Variants in ALKBH1 observed in about 807,000 individuals in gnomAD.
The protein encoded by ALKBH1 is alkB homolog 1, histone H2A dioxygenase.
Under a neutral mutation model 36.6 loss-of-function variants are expected in ALKBH1, and 31 were observed. That is an observed-to-expected ratio of 0.85 (90% CI 0.64 to 1.14). ALKBH1 has a LOEUF of 1.14. Ranked by LOEUF, ALKBH1 falls within the 50% of genes most tolerant of loss-of-function variation. ALKBH1 has a pLI of 0.00. For missense variants in ALKBH1, 490 were observed against 497.3 expected (o/e 0.99, Z 0.14); for synonymous variants, 183 against 186.6 (o/e 0.98, Z 0.16).
intron 3 of ALKBH1, among the ~76,000 whole-genome samples, chr14:77,687,398 A>ATATT (rs2080273682): frequency 1.3e-5 from 2 of 152,196 alleles, no homozygotes; most frequent in Non-Finnish European, 2.9e-5. Context: ...CTTGGCCTTC[A>ATATT]AACATGTTTA....
intron 1 of ALKBH1, among the ~76,000 whole-genome samples, chr14:77,707,117 T>C (rs1036201406): frequency 6.6e-6 from 1 of 152,212 alleles, no homozygotes; most frequent in Non-Finnish European, 1.5e-5. Flanking sequence ...GGCTAATTTT[T>C]TGTATTTTTG....
intron 2 of ALKBH1, among the ~76,000 whole-genome samples, chr14:77,702,101 C>A (rs1203177012): frequency 1.3e-5 from 2 of 152,162 alleles, no homozygotes; most frequent in Non-Finnish European, 2.9e-5. Context: ...GAGTTCAAGA[C>A]CAGCCTGACC....
Position 77,674,114 on chromosome 14 carries a change from G to GGACT in ALKBH1, c.864_867dup (p.Pro290SerfsTer52). ...CCTTCTGGATTTGGAAGGACACGAG[G>GGACT]GACTGCGTGGTTCAAGAGGCGGCTG... On this transcript the variant is annotated frameshift_variant, in exon 6 of 6. Transcript: ENST00000216489. LOFTEE classifies it high-confidence loss of function. The GGACT allele has an allele frequency of 6.2e-7, 1 of 1,614,102 alleles. No individual in the cohort carries two copies. Among genetic ancestry groups the GGACT allele is most frequent in the Non-Finnish European group, 8.5e-7 (1 of 1,180,038 alleles).
At chr14:77,683,016 A>C (rs2080246735) in intron 3 of ALKBH1, among the ~76,000 whole-genome samples, 1 of 152,100 alleles carries the variant, frequency 6.6e-6, no homozygotes, top group Non-Finnish European at 1.5e-5. Flanking sequence ...TGTTTAATTA[A>C]AACAAAAAAG....
At chr14:77,707,336 C>A (rs2080399832) in intron 1 of ALKBH1, among the ~76,000 whole-genome samples, 1 of 152,176 alleles carries the variant, frequency 6.6e-6, no homozygotes, top group Non-Finnish European at 1.5e-5. Flanking sequence ...ATTTTCAACA[C>A]GGAGGGATTC....
chr14:77,700,783 T>C (rs2080355149), intron 2 of ALKBH1, among the ~76,000 whole-genome samples: 1 of 152,150 alleles, frequency 6.6e-6, no homozygotes. Context: ...GTCTTCTTTT[T>C]AGTGGGTTAA....
chr14:77,698,632 A>C (rs1274313036), intron 2 of ALKBH1, among the ~76,000 whole-genome samples: 1 of 152,266 alleles, frequency 6.6e-6, no homozygotes, highest in Non-Finnish European at 1.5e-5. Flanking sequence ...TCTGAATTAA[A>C]TGCTGGCAAT....
intron 3 of ALKBH1, 91 bp from the exon 4 acceptor site, chr14:77,680,061 C>T (rs2080228543): frequency 1.0e-6 from 1 of 978,920 alleles, no homozygotes; most frequent in Admixed American, 1.8e-5. Flanking sequence ...TTTAGTATTA[C>T]ATGGTATAAG....
In ALKBH1 at chr14:77,694,817, G is replaced by A. The variant is rs748695569; in HGVS notation, c.376C>T (p.Pro126Ser). ...KQCLKLYSQK[P>S]NVCNLDKHMS... ...TGTTTGTCCAGGTTACATACATTAG[G>A]TTTCTGGGAATATAACTTAAGGCAC... Residue 126 changes from proline (P) to serine (S), a missense_variant, in exon 3 of 6, where the codon CCT becomes TCT. Physicochemically the swap from Pro to Ser is moderately conservative, Grantham distance 74 (BLOSUM62 -1). Coordinates refer to ENST00000216489, the MANE Select transcript of ALKBH1 (RefSeq NM_006020.3). 1.2e-6 allele frequency: 2 copies of A among 1,607,050 alleles called. No individual in the cohort carries two copies. The highest frequency in any genetic ancestry group is 2.7e-5 in the African/African-American group (2 of 74,864).
chr14:77,692,248 C>T (rs1026232225), intron 3 of ALKBH1, among the ~76,000 whole-genome samples: 6 of 152,202 alleles, frequency 3.9e-5, no homozygotes, highest in African/African-American at 1.4e-4. Flanking sequence ...GGAACTTGCT[C>T]AAGGTTACAC....
chr14:77,679,092 C>T lies in ALKBH1; in HGVS notation c.546+788G>A, dbSNP rs143602637. ...TCAGCCACCCAAAGTGCTTGGATTA[C>T]AGGAGTGAGCCACCGCGTGTGATCG... On this transcript the variant is annotated intron_variant, in intron 4 of 5. Transcript: ENST00000216489. Among the ~76,000 whole-genome samples, 93 of 152,258 alleles carry T rather than the reference C, an allele frequency of 6.1e-4. 1 individual carries two copies. The East Asian group carries it at 0.015, about 24-fold the overall frequency.
chr14:77,676,664 G>A (rs773856957), intron 4 of ALKBH1, among the ~76,000 whole-genome samples: 2 of 152,208 alleles, frequency 1.3e-5, no homozygotes, highest in East Asian at 1.9e-4. Context: ...TGAGACAAAG[G>A]TACCATACTA....
chr14:77,692,872 G>A (rs1178222895), intron 3 of ALKBH1, among the ~76,000 whole-genome samples: 1 of 150,496 alleles, frequency 6.6e-6, no homozygotes, highest in Non-Finnish European at 1.5e-5. Flanking sequence ...GAGTAGCTAG[G>A]ACTACAGGCA....
intron 2 of ALKBH1, among the ~76,000 whole-genome samples, chr14:77,698,049 A>T (rs996757841): frequency 6.6e-6 from 1 of 152,150 alleles, no homozygotes. Flanking sequence ...GTGATAAAAA[A>T]CCTTGTCTGG....
At chr14:77,684,602 C>T (rs1332740836) in intron 3 of ALKBH1, among the ~76,000 whole-genome samples, 1 of 152,150 alleles carries the variant, frequency 6.6e-6, no homozygotes, top group Non-Finnish European at 1.5e-5. Flanking sequence ...CTCAGGTGAT[C>T]CACCTGCCTC....
chr14:77,696,824 C>T (rs1595057124), intron 2 of ALKBH1: 2 of 152,820 alleles, frequency 1.3e-5, no homozygotes, highest in African/African-American at 4.8e-5. Context: ...CTCTGAGGTC[C>T]AAATGGAAGT....
chr14:77,706,576 T>C (rs186853275), intron 1 of ALKBH1, among the ~76,000 whole-genome samples: 2 of 152,286 alleles, frequency 1.3e-5, no homozygotes, highest in African/African-American at 2.4e-5. Context: ...ACACCCAAGC[T>C]TTCATGTACT....
At position 77,686,606 on chromosome 14, in the gene ALKBH1, G is replaced by T. The variant is rs935835117; in HGVS notation, c.456-6636C>A. ...TCATGGGTAAGCGCCTTATGTAAGC[G>T]TTGGCATTTCTCTTAGCAATTGTTT... is the stretch of plus-strand genomic sequence containing the variant. On this transcript the variant is annotated intron_variant, in intron 3 of 5. Transcript: ENST00000216489. Among the ~76,000 whole-genome samples, 3 of 152,098 alleles carry T rather than the reference G, an allele frequency of 2.0e-5. No individual in the cohort carries two copies. The South Asian group carries it at 6.2e-4, about 32-fold the overall frequency.
In ALKBH1 at chr14:77,704,478, C is replaced by T. The variant is rs775805561; in HGVS notation, c.184-1G>A. The T allele has an allele frequency of 3.1e-6, 5 of 1,612,890 alleles. No homozygotes were observed. Among genetic ancestry groups the T allele is most frequent in the Non-Finnish European group, 4.2e-6 (5 of 1,179,014 alleles). On this transcript the variant is annotated splice_acceptor_variant, in intron 1 of 5. Coordinates refer to ENST00000216489, the MANE Select transcript of ALKBH1 (RefSeq NM_006020.3). LOFTEE classifies it high-confidence loss of function. ...ACACATTTAGCTGAGATTTGATCAC[C>T]TGGCAGGAAGGAAACAGAAGTTAAA...
Sources: allele counts gnomAD v4.1 joint callset (sites outside exome capture counted in the v4.1 genomes callset), GRCh38; gene constraint gnomAD v4.1.1; transcripts MANE v1.5; gene names NCBI Gene and HGNC (gene_info 2026-07-23, HGNC 2026-07-21).